ASZ1: variants seen among roughly 807,000 people sequenced by gnomAD.
ASZ1 encodes the protein ankyrin repeat, SAM and basic leucine zipper domain containing 1, also known as ankyrin repeat, SAM and basic leucine zipper domain-containing protein 1.
Under a neutral mutation model 61.8 loss-of-function variants are expected in ASZ1, and 67 were observed. That is an observed-to-expected ratio of 1.08 (90% CI 0.89 to 1.33). The LOEUF (loss-of-function observed/expected upper bound fraction) is 1.33. Ranked by LOEUF, ASZ1 falls within the 40% of genes most tolerant of loss-of-function variation. ASZ1 has a pLI of 0.00. For missense variants in ASZ1, 577 were observed against 554.5 expected (o/e 1.04, Z -0.41); for synonymous variants, 193 against 192.7 (o/e 1.00, Z -0.01).
chr7:117,394,618 A>G (rs1197440114), intron 4 of ASZ1, among the ~76,000 whole-genome samples: 1 of 152,262 alleles, frequency 6.6e-6, no homozygotes, highest in East Asian at 1.9e-4. Flanking sequence ...TATTGCTTCA[A>G]ACATAGTCTA....
chr7:117,411,394 T>C (rs903374770), intron 4 of ASZ1, among the ~76,000 whole-genome samples: 2 of 151,810 alleles, frequency 1.3e-5, no homozygotes, highest in African/African-American at 4.8e-5. Flanking sequence ...GGAATGATGT[T>C]CAAACTAATT....
At position 117,368,511 on chromosome 7, in the gene ASZ1, A is replaced by G. The variant is rs1795987337; in HGVS notation, c.1161+101T>C. ...TGTGATTTTGCAGAACAAACGATGTAATTTCAGCAAATCAATACTATTTAT... is the reference window on the plus strand; with the variant it reads ...TGTGATTTTGCAGAACAAACGATGTGATTTCAGCAAATCAATACTATTTAT... On this transcript the variant is annotated intron_variant, in intron 11 of 12. Transcript: ENST00000284629. The G allele has an allele frequency of 4.7e-6, 7 of 1,494,002 alleles. No individual in the cohort carries two copies. The Admixed American group carries it at 1.4e-4, about 31-fold the overall frequency. The allele number at this position is 1,494,002 out of a possible 1,614,324, so 92.5% of individuals were successfully genotyped here.
intron 4 of ASZ1, among the ~76,000 whole-genome samples, chr7:117,412,795 TAAGA>T (rs1421938382): frequency 6.6e-6 from 1 of 151,672 alleles, no homozygotes; most frequent in South Asian, 2.1e-4. Context: ...TTTTTAAATA[TAAGA>T]AAGAGTTTCA....
At chr7:117,398,849 CCTT>C (rs1447794723) in intron 4 of ASZ1, among the ~76,000 whole-genome samples, 5 of 152,138 alleles carry the variant, frequency 3.3e-5, no homozygotes, top group Non-Finnish European at 7.3e-5. Context: ...GCTCTTTCCT[CCTT>C]CTCCACTTGC....
chr7:117,408,595 T>G lies in ASZ1; in HGVS notation c.440+11568A>C. ...AATATGTTCCTTCACCATAGTGGAA[T>G]TCAGCTAGATATTAATAACGAAAAG... On this transcript the variant is annotated intron_variant, in intron 4 of 12. Coordinates refer to ENST00000284629, the MANE Select transcript of ASZ1 (RefSeq NM_130768.3). Among the ~76,000 whole-genome samples the G allele has an allele frequency of 1.3e-5, 2 of 152,164 alleles. 1 individual carries two copies. The highest frequency in any genetic ancestry group is 2.9e-5 in the Non-Finnish European group (2 of 68,016).
At chr7:117,409,161 G>A (rs1260514935) in intron 4 of ASZ1, among the ~76,000 whole-genome samples, 1 of 151,872 alleles carries the variant, frequency 6.6e-6, no homozygotes, top group Non-Finnish European at 1.5e-5. Context: ...AATATGATTG[G>A]GGAGGATACA....
chr7:117,404,790 A>T (rs976624650), intron 4 of ASZ1, among the ~76,000 whole-genome samples: 3 of 152,066 alleles, frequency 2.0e-5, no homozygotes, highest in Non-Finnish European at 4.4e-5. Flanking sequence ...CCACTCAGCT[A>T]AGGAGGGGGA....
In ASZ1 at chr7:117,367,468, G is replaced by T; in HGVS notation, c.1162-3C>A. 6.7e-7 allele frequency: 1 copy of T among 1,494,428 alleles called. No homozygotes were observed. The highest frequency in any genetic ancestry group is 8.9e-7 in the Non-Finnish European group (1 of 1,122,164). The allele number at this position is 1,494,428 out of a possible 1,614,324, so 92.6% of individuals were successfully genotyped here. A position where few individuals can be genotyped will look rare whatever the true frequency, so the allele number is the denominator to read the frequency against. On this transcript the variant is annotated splice_region_variant and splice_polypyrimidine_tract_variant and intron_variant, in intron 11 of 12. Coordinates refer to ENST00000284629, the MANE Select transcript of ASZ1 (RefSeq NM_130768.3). ...GGAGAAGCCCATTCCAGTGTTATCT[G>T]TTAATATTTTCAAAAGTTCAACATT...
chr7:117,386,217 A>C (rs1380035828), intron 4 of ASZ1, among the ~76,000 whole-genome samples: 1 of 152,206 alleles, frequency 6.6e-6, no homozygotes. Context: ...TGCTTATTAC[A>C]TTTTATTTAG....
chr7:117,378,289 A>G (rs1796174342), intron 10 of ASZ1, among the ~76,000 whole-genome samples: 1 of 152,166 alleles, frequency 6.6e-6, no homozygotes, highest in African/African-American at 2.4e-5. Flanking sequence ...TTTACAAATC[A>G]CATATCCAAC....
At chr7:117,384,106 G>GT (rs1398023972) in intron 6 of ASZ1, among the ~76,000 whole-genome samples, 1 of 151,990 alleles carries the variant, frequency 6.6e-6, no homozygotes, top group African/African-American at 2.4e-5. Flanking sequence ...TTTTATAATT[G>GT]TACTATACTT....
chr7:117,397,570 C>T lies in ASZ1; in HGVS notation c.441-11761G>A, dbSNP rs191942952. ...AAATGTTTTCAATTTTTTCAGAAGACGATTTGGTAACACCTATTGAGGCTG... is the reference window on the plus strand; with the variant it reads ...AAATGTTTTCAATTTTTTCAGAAGATGATTTGGTAACACCTATTGAGGCTG... On this transcript the variant is annotated intron_variant, in intron 4 of 12. Transcript: ENST00000284629. Among the ~76,000 whole-genome samples, 23 of 152,226 alleles carry T rather than the reference C, an allele frequency of 1.5e-4. 1 individual carries two copies. In the East Asian group the frequency reaches 3.1e-3, roughly 20 times the overall value.
intron 12 of ASZ1, among the ~76,000 whole-genome samples, chr7:117,365,372 G>C (rs151098511): frequency 2.0e-5 from 3 of 152,020 alleles, no homozygotes; most frequent in Admixed American, 6.6e-5. Context: ...AAATAAATAT[G>C]GTACCTGATT....
Position 117,363,424 on chromosome 7 carries a change from A to G in ASZ1, c.*172T>C. The G allele has an allele frequency of 2.3e-6, 1 of 441,436 alleles. No individual in the cohort carries two copies. The highest frequency in any genetic ancestry group is 3.7e-5 in the East Asian group (1 of 27,174). 27.3% of individuals were successfully genotyped at this position (441,436 alleles called of 1,614,324 possible). A position where few individuals can be genotyped will look rare whatever the true frequency, so the allele number is the denominator to read the frequency against. On this transcript the variant is annotated 3_prime_UTR_variant, in exon 13 of 13. Transcript: ENST00000284629. ...AACATAAACATAACAAATTGTATTT[A>G]TAAGTCAAAGTAACAAACCACTTTT...
chr7:117,378,137 A>G (rs1451840827), intron 10 of ASZ1, among the ~76,000 whole-genome samples: 1 of 152,164 alleles, frequency 6.6e-6, no homozygotes, highest in Non-Finnish European at 1.5e-5. Flanking sequence ...CTGTTCTTTA[A>G]CCTGATACTA....
At chr7:117,365,982 G>A (rs1795929276) in intron 12 of ASZ1, among the ~76,000 whole-genome samples, 1 of 152,056 alleles carries the variant, frequency 6.6e-6, no homozygotes, top group Admixed American at 6.5e-5. Flanking sequence ...ACTCCTTTTG[G>A]GCCAGGCGCA....
chr7:117,380,606 A>G (rs1168670929), intron 9 of ASZ1, among the ~76,000 whole-genome samples: 1 of 151,716 alleles, frequency 6.6e-6, no homozygotes, highest in African/African-American at 2.4e-5. Context: ...ATGTTATTAG[A>G]TAATACTAGA....
chr7:117,371,170 G>C (rs1796044374), intron 10 of ASZ1, among the ~76,000 whole-genome samples: 1 of 152,056 alleles, frequency 6.6e-6, no homozygotes, highest in Non-Finnish European at 1.5e-5. Context: ...ACTTGTAGAA[G>C]TTTTGACTAC....
At chr7:117,392,561 A>C (rs1253783593) in intron 4 of ASZ1, among the ~76,000 whole-genome samples, 2 of 152,140 alleles carry the variant, frequency 1.3e-5, no homozygotes, top group African/African-American at 4.8e-5. Context: ...GACTTTACTA[A>C]AGTTATTTAA....
Sources: allele counts gnomAD v4.1 joint callset (sites outside exome capture counted in the v4.1 genomes callset), GRCh38; gene constraint gnomAD v4.1.1; transcripts MANE v1.5; gene names NCBI Gene and HGNC (gene_info 2026-07-23, HGNC 2026-07-21).